The following ASNS variants were observed in gnomAD, a reference collection of about 807,000 sequenced individuals.
ASNS encodes the protein asparagine synthetase [glutamine-hydrolyzing].
ASNS carries 37 observed loss-of-function variants against 62.6 expected under a neutral mutation model. The observed-to-expected ratio is 0.59, with a 90% CI of 0.45 to 0.78. The LOEUF is 0.78. Ranked by LOEUF, ASNS falls within the 30% of genes least tolerant of loss-of-function variation. The pLI is 0.00. For missense variants in ASNS, 520 were observed against 682.4 expected, an observed-to-expected ratio of 0.76 and a Z score of 2.65; for synonymous variants, 207 against 237.9, an observed-to-expected ratio of 0.87 and a Z score of 1.19.
At chr7:97,878,673 G>C in the ASNS span, among the ~76,000 whole-genome samples, 1 of 152,204 alleles carries the variant, frequency 6.6e-6, no homozygotes, top group Admixed American at 6.5e-5. Context: ...AACATTCCAT[G>C]CTCATGGGTA....
chr7:97,916,473 C>A, the ASNS span, among the ~76,000 whole-genome samples: 1 of 152,182 alleles, frequency 6.6e-6, no homozygotes, highest in Non-Finnish European at 1.5e-5. Flanking sequence ...TCTACAGAGT[C>A]TTTCAGATGA....
At chr7:97,886,337 C>T in the ASNS span, among the ~76,000 whole-genome samples, 1 of 151,900 alleles carries the variant, frequency 6.6e-6, no homozygotes, top group Admixed American at 6.6e-5. Flanking sequence ...TTAGTAGAAA[C>T]GGGGTTTCAC....
chr7:97,924,905 G>A, the ASNS span, among the ~76,000 whole-genome samples: 13 of 152,228 alleles, frequency 8.5e-5, no homozygotes, highest in Non-Finnish European at 1.6e-4. Flanking sequence ...GGGAGGCCGA[G>A]GCAGGCGGAT....
chr7:97,887,779 T>C, the ASNS span, among the ~76,000 whole-genome samples: 9 of 152,358 alleles, frequency 5.9e-5, no homozygotes, highest in Middle Eastern at 3.4e-3. Context: ...CAGCATTTTG[T>C]GACAACAACT....
chr7:97,865,691 T>C (rs1459804396), intron 3 of ASNS, among the ~76,000 whole-genome samples: 1 of 152,208 alleles, frequency 6.6e-6, no homozygotes, highest in Non-Finnish European at 1.5e-5. Flanking sequence ...TAGAAATATC[T>C]ACAGGTCTTT....
At chr7:97,889,064 A>C in the ASNS span, among the ~76,000 whole-genome samples, 853 of 152,340 alleles carry the variant, frequency 5.6e-3, 11 homozygotes, top group African/African-American at 0.019. Flanking sequence ...CTGGAGGCCC[A>C]GGGATTGGCC....
chr7:97,900,359 T>TA, the ASNS span, among the ~76,000 whole-genome samples: 29,105 of 57,790 alleles, frequency 0.5, 5,128 homozygotes, highest in East Asian at 0.6. Flanking sequence ...AGACTTTGTC[T>TA]CAAAAAAAAA....
the ASNS span, among the ~76,000 whole-genome samples, chr7:97,882,059 C>T: frequency 1.2e-4 from 18 of 152,134 alleles, no homozygotes; most frequent in South Asian, 3.5e-3. Flanking sequence ...GTCCTGTTGC[C>T]CAGGTTGGTC....
At chr7:97,889,893 T>C in the ASNS span, among the ~76,000 whole-genome samples, 42 of 65,914 alleles carry the variant, frequency 6.4e-4, no homozygotes, top group Admixed American at 1.2e-3. Context: ...TTAAAGAAAC[T>C]CAGGGAGATA....
At chr7:97,880,167 C>T in the ASNS span, among the ~76,000 whole-genome samples, 1 of 150,962 alleles carries the variant, frequency 6.6e-6, no homozygotes, top group East Asian at 1.9e-4. Context: ...CACTGTCACC[C>T]AGGCTGGAGT....
the ASNS span, among the ~76,000 whole-genome samples, chr7:97,925,485 C>G: frequency 9.9e-5 from 15 of 152,106 alleles, no homozygotes; most frequent in African/African-American, 3.4e-4. Flanking sequence ...GGTAGAGTGG[C>G]ACCTAGAGGA....
intron 1 of ASNS, among the ~76,000 whole-genome samples, chr7:97,871,017 T>C (rs1335674312): frequency 6.6e-6 from 1 of 152,224 alleles, no homozygotes; most frequent in African/African-American, 2.4e-5. Flanking sequence ...TTCTTATTTC[T>C]TCCTAAACTT....
At chr7:97,896,429 A>AT in the ASNS span, among the ~76,000 whole-genome samples, 2 of 149,742 alleles carry the variant, frequency 1.3e-5, no homozygotes, top group Non-Finnish European at 3.0e-5. Flanking sequence ...TCTACTAAAA[A>AT]AAAAAAAACA....
rs1485394893 is a variant in ASNS at position 97,853,118 on chromosome 7, C to G, written c.1418G>C (p.Gly473Ala). The G allele has an allele frequency of 6.2e-7, 1 of 1,609,120 alleles. No homozygotes were observed. ...LWRPKEAFSDGITSVKNSWFK... is the reference protein window; with the variant it reads ...LWRPKEAFSDAITSVKNSWFK... Reference sequence around the variant, plus strand: ...CCAGGAATTCTTAACTGAAGTTATTCCATCACTGAAGGCTTCTTTTGGTCG... The same window carrying G: ...CCAGGAATTCTTAACTGAAGTTATTGCATCACTGAAGGCTTCTTTTGGTCG... The change falls in exon 12 of 13, where the codon GGA becomes GCA. Residue 473 changes from glycine (G) to alanine (A), a missense_variant. By Grantham distance (60) the Gly-to-Ala change is moderately conservative. Coordinates refer to ENST00000394308, the MANE Select transcript of ASNS (RefSeq NM_001673.5).
At chr7:97,871,809 A>C (rs1792277807) in intron 1 of ASNS, 2 of 143,152 alleles carry the variant, frequency 1.4e-5, no homozygotes. Context: ...GCGGGGTGAG[A>C]GGGGAGGAGG....
At chr7:97,854,762 T>A in intron 9 of ASNS, 82 bp from the exon 10 acceptor site, 1 of 1,592,176 alleles carries the variant, frequency 6.3e-7, no homozygotes, top group Non-Finnish European at 8.6e-7. Flanking sequence ...ATCCTAAAGG[T>A]GGATAAGACA....
the ASNS span, among the ~76,000 whole-genome samples, chr7:97,889,717 T>C: frequency 1.3e-5 from 2 of 151,380 alleles, no homozygotes; most frequent in Non-Finnish European, 2.9e-5. Flanking sequence ...ATCCATAAAA[T>C]TGGAAGAAAT....
rs375551761 is a variant in ASNS, at chr7:97,853,325, G to C, written c.1300C>G (p.Pro434Ala). The C allele has an allele frequency of 1.2e-6, 2 of 1,613,576 alleles. No homozygotes were observed. Among genetic ancestry groups the C allele is most frequent in the Non-Finnish European group, 1.7e-6 (2 of 1,179,894 alleles). The change falls in exon 11 of 13, where the codon CCA becomes GCA. Residue 434 changes from proline to alanine, a missense_variant. Coordinates refer to ENST00000394308, the MANE Select transcript of ASNS (RefSeq NM_001673.5). The stretch of plus-strand genomic sequence containing the variant: ...CCTACCTTTGGAATTCTCATTTCTG[G>C]TGGCAGAGACAAGTAATAGGAAGAA... ...RFSSYYLSLP[P>A]EMRIPKNGIE...
Position 97,859,299 on chromosome 7 carries a change from A to G in ASNS, c.587T>C (p.Val196Ala), listed in dbSNP as rs1170902074. The G allele has an allele frequency of 2.5e-6, 4 of 1,614,008 alleles. No homozygotes were observed. Among genetic ancestry groups the G allele is most frequent in the Non-Finnish European group, 3.4e-6 (4 of 1,180,024 alleles). Reference sequence around the variant, plus strand: ...ATATTTAACCATTTCCACGGATGCAACTTTGCCATTTGGCTTTAAATCCAA... The same window carrying G: ...ATATTTAACCATTTCCACGGATGCAGCTTTGCCATTTGGCTTTAAATCCAA... Reference protein sequence around the residue: ...EVLDLKPNGKVASVEMVKYHH... With the variant: ...EVLDLKPNGKAASVEMVKYHH... The change falls in exon 5 of 13, where the codon GTT becomes GCT. Residue 196 changes from valine (V) to alanine (A), a missense_variant. Val to Ala is a moderately conservative substitution (Grantham distance 64, BLOSUM62 0). Transcript: ENST00000394308.
Sources: gnomAD v4.1 joint callset for allele counts (sites outside exome capture counted in the v4.1 genomes callset) on GRCh38, gnomAD v4.1.1 for gene constraint, MANE v1.5 for transcripts, NCBI Gene and HGNC (gene_info 2026-07-23, HGNC 2026-07-21) for gene names.